Variants in CLCN1 observed in about 807,000 individuals in gnomAD.
The protein encoded by CLCN1 is chloride channel protein 1.
In CLCN1, 100 loss-of-function variants were observed where a neutral mutation model predicts 114.5. That is an observed-to-expected ratio of 0.87 (90% CI 0.74 to 1.03). The LOEUF (loss-of-function observed/expected upper bound fraction) is 1.03. CLCN1 is among the 50% of genes least tolerant of loss of function. The pLI is 0.00. For synonymous variants in CLCN1, 485 were observed against 487.1 expected, an observed-to-expected ratio of 1.00 and a Z score of 0.06; for missense variants, 1,188 against 1,250.0, an observed-to-expected ratio of 0.95 and a Z score of 0.75.
chr7:143,351,947 G>A lies in CLCN1; in HGVS notation c.2949G>A (p.Glu983=), dbSNP rs1188574694. The change falls in exon 23 of 23, where the codon GAG becomes GAA. Residue 983 remains glutamate (E), a synonymous_variant. Coordinates refer to ENST00000343257, the MANE Select transcript of CLCN1 (RefSeq NM_000083.3). The part of the protein sequence containing the change: ...PSLRSTDEED[E]DELIL ...TGCGATCCACAGACGAGGAGGATGAGGATGAACTGATCCTTTGACCCCCTC... is the reference window on the plus strand; with the variant it reads ...TGCGATCCACAGACGAGGAGGATGAAGATGAACTGATCCTTTGACCCCCTC... The A allele has an allele frequency of 1.2e-6, 2 of 1,612,902 alleles. No individual in the cohort carries two copies. Among genetic ancestry groups the A allele is most frequent in the Non-Finnish European group, 1.7e-6 (2 of 1,180,048 alleles).
Position 143,339,458 on chromosome 7 carries a change from G to T in CLCN1, c.1472-53G>T. On this transcript the variant is annotated intron_variant, in intron 13 of 22. Transcript: ENST00000343257. This position sits in a 1 kb window ranked among gnomAD's most constrained non-coding sequence, Gnocchi z 4.1. The stretch of plus-strand genomic sequence containing the variant: ...AGGAGAGATTGGTTCTGAAAACTGA[G>T]AGCAAGGAACTTGGATCTCGTAACA... 1 of 1,472,796 alleles carries T rather than the reference G, an allele frequency of 6.8e-7. No individual in the cohort carries two copies. The highest frequency in any genetic ancestry group is 1.1e-5 in the South Asian group (1 of 88,242). The allele number at this position is 1,472,796 out of a possible 1,614,324, so 91.2% of individuals were successfully genotyped here.
rs1195242619 is a variant in CLCN1, at chr7:143,323,344, T to C, written c.732T>C (p.Ala244=). 1.9e-6 allele frequency: 3 copies of C among 1,613,818 alleles called. No individual in the cohort carries two copies. Among genetic ancestry groups the C allele is most frequent in the African/African-American group, 2.7e-5 (2 of 74,900 alleles). Residue 244 remains alanine (A), a synonymous_variant, in exon 6 of 23, where the codon GCT becomes GCC. Coordinates refer to ENST00000343257, the MANE Select transcript of CLCN1 (RefSeq NM_000083.3). ...TCCACATTGCCAGCATCTGTGCTGC[T>C]GTCCTCAGCAAATTCATGTCTGTGT... The part of the protein sequence containing the change: ...PFVHIASICA[A]VLSKFMSVFC...
chr7:143,319,693 C>G (rs1360995563), intron 1 of CLCN1, 62 bp from the exon 2 acceptor site: 1 of 1,566,644 alleles, frequency 6.4e-7, no homozygotes, highest in Non-Finnish European at 8.8e-7. Flanking sequence ...GTCTGCTGGC[C>G]TCTGTCTATT....
At chr7:143,316,727 G>A (rs578027073) in intron 1 of CLCN1, among the ~76,000 whole-genome samples, 11 of 152,178 alleles carry the variant, frequency 7.2e-5, no homozygotes, top group Non-Finnish European at 1.3e-4. Context: ...ACACTGCAGT[G>A]TGCTGGGAGC....
chr7:143,335,008 T>A (rs1458223951), intron 12 of CLCN1, among the ~76,000 whole-genome samples: 2 of 152,246 alleles, frequency 1.3e-5, no homozygotes, highest in African/African-American at 4.8e-5. Context: ...GATCTCAGAA[T>A]TGGACGGTAG....
chr7:143,331,457 C>T, intron 9 of CLCN1, 94 bp from the exon 10 acceptor site: 2 of 1,134,980 alleles, frequency 1.8e-6, no homozygotes, highest in Non-Finnish European at 2.7e-6. Flanking sequence ...ATAGGAAAGG[C>T]AGAAGCCTGG....
intron 7 of CLCN1, among the ~76,000 whole-genome samples, chr7:143,326,764 A>G (rs997253266): frequency 6.6e-6 from 1 of 152,148 alleles, no homozygotes; most frequent in East Asian, 1.9e-4. Flanking sequence ...ATAATAGCAA[A>G]TGAGGCTGGA....
chr7:143,333,352 G>C (rs901553782), intron 12 of CLCN1, among the ~76,000 whole-genome samples: 1 of 151,902 alleles, frequency 6.6e-6, no homozygotes, highest in Non-Finnish European at 1.5e-5. Flanking sequence ...AAGTAAACTA[G>C]TATCTGAGTT....
At chr7:143,343,853 T>C (rs1190856431) in intron 16 of CLCN1, among the ~76,000 whole-genome samples, 1 of 151,960 alleles carries the variant, frequency 6.6e-6, no homozygotes, top group Non-Finnish European at 1.5e-5. Flanking sequence ...TTCTCTTCTT[T>C]CTTTTCGACA....
rs550573936 is a variant in CLCN1 at position 143,316,490 on chromosome 7, T to G, written c.180+98T>G. The G allele has an allele frequency of 2.6e-5, 30 of 1,132,764 alleles. No individual in the cohort carries two copies. The African/African-American group carries it at 4.6e-4, about 17-fold the overall frequency. 70.2% of individuals were successfully genotyped at this position (1,132,764 alleles called of 1,614,324 possible). A position where few individuals can be genotyped will look rare whatever the true frequency, so the allele number is the denominator to read the frequency against. ...GGAATTGGGTGAAAAGAGGGAGCAG[T>G]GTTACATTTTTTTAACTTAAAAAAC... On this transcript the variant is annotated intron_variant, in intron 1 of 22. Transcript: ENST00000343257.
At chr7:143,351,046 G>C (rs1803384342) in intron 22 of CLCN1, among the ~76,000 whole-genome samples, 1 of 152,176 alleles carries the variant, frequency 6.6e-6, no homozygotes, top group Non-Finnish European at 1.5e-5. Flanking sequence ...CCAAAATGCT[G>C]CGATTCTAGG....
intron 16 of CLCN1, among the ~76,000 whole-genome samples, chr7:143,345,064 G>A (rs571448174): frequency 6.6e-6 from 1 of 152,174 alleles, no homozygotes; most frequent in Non-Finnish European, 1.5e-5. Context: ...TTTTTTAAAT[G>A]ATGAAATGTC....
intron 7 of CLCN1, among the ~76,000 whole-genome samples, chr7:143,327,219 G>GC (rs1354348642): frequency 1.3e-5 from 2 of 151,386 alleles, no homozygotes; most frequent in African/African-American, 4.9e-5. Flanking sequence ...CTGCACTCCA[G>GC]TCCGGGCAAC....
At chr7:143,331,346 T>A in intron 9 of CLCN1, 30 bp downstream of exon 9, 1 of 1,485,608 alleles carries the variant, frequency 6.7e-7, no homozygotes, top group Non-Finnish European at 9.4e-7. Flanking sequence ...CTGTGTGTGG[T>A]GAGCAGGGTG....
At chr7:143,330,695 T>C (rs1802696982) in intron 7 of CLCN1, 77 bp from the exon 8 acceptor site, 1 of 1,599,936 alleles carries the variant, frequency 6.3e-7, no homozygotes, top group South Asian at 1.1e-5. Context: ...AAAAGCTCCT[T>C]AGGTCCAAGC....
At chr7:143,336,250 C>G (rs1802885193) in intron 12 of CLCN1, among the ~76,000 whole-genome samples, 1 of 151,632 alleles carries the variant, frequency 6.6e-6, no homozygotes, top group Non-Finnish European at 1.5e-5. Flanking sequence ...ATGGTGGAAA[C>G]CCATAATGGG....
intron 12 of CLCN1, among the ~76,000 whole-genome samples, chr7:143,335,677 TG>T (rs1563081460): frequency 4.7e-5 from 7 of 148,530 alleles, no homozygotes; most frequent in Admixed American, 6.7e-5. Flanking sequence ...TTTTTTTTTT[TG>T]ATTCGGAATC....
chr7:143,326,043 G>T (rs1474089345), intron 7 of CLCN1, among the ~76,000 whole-genome samples: 1 of 151,954 alleles, frequency 6.6e-6, no homozygotes, highest in Non-Finnish European at 1.5e-5. Context: ...TTTAGATGGA[G>T]TCTTGCTCTG....
rs1803089186 is a variant in CLCN1, at chr7:143,341,973, G to A, written c.1627G>A (p.Ala543Thr). Residue 543 changes from alanine to threonine, a missense_variant, in exon 15 of 23, where the codon GCT (alanine) becomes ACT (threonine). Coordinates refer to ENST00000343257, the MANE Select transcript of CLCN1 (RefSeq NM_000083.3). The part of the protein sequence containing the change: ...TGAVSHTVST[A>T]VICFELTGQI... ...TGCCGTTTCCCACACAGTCTCCACA[G>A]CTGTGATTTGCTTCGAATTAACGGG... The A allele has an allele frequency of 6.2e-7, 1 of 1,614,154 alleles. No homozygotes were observed. The highest frequency in any genetic ancestry group is 1.3e-5 in the African/African-American group (1 of 75,044).
Sources: gnomAD v4.1 joint callset for allele counts (sites outside exome capture counted in the v4.1 genomes callset) on GRCh38, gnomAD v4.1.1 for gene constraint, Gnocchi (gnomAD v3.1) non-coding constraint, MANE v1.5 for transcripts, NCBI Gene and HGNC (gene_info 2026-07-23, HGNC 2026-07-21) for gene names.